The following AKAP19 variants were observed in gnomAD, a reference collection of about 807,000 sequenced individuals.
AKAP19 encodes the protein A-kinase anchoring protein 19.
At chr2:189,903,084 A>C in the AKAP19 span, among the ~76,000 whole-genome samples, 1 of 151,956 alleles carries the variant, frequency 6.6e-6, no homozygotes, top group Non-Finnish European at 1.5e-5. Flanking sequence ...TTGAATTGAA[A>C]GCCATCGAGA....
At chr2:190,103,141 C>T in the AKAP19 span, among the ~76,000 whole-genome samples, 1 of 152,098 alleles carries the variant, frequency 6.6e-6, no homozygotes, top group Admixed American at 6.5e-5. Context: ...AACCTAACAT[C>T]CTTTACTGAA....
chr2:189,886,308 T>C, the AKAP19 span, among the ~76,000 whole-genome samples: 1 of 152,210 alleles, frequency 6.6e-6, no homozygotes, highest in African/African-American at 2.4e-5. Context: ...AACATTAGCT[T>C]TTCTTTTAAC....
the AKAP19 span, among the ~76,000 whole-genome samples, chr2:189,966,299 G>A: frequency 6.6e-6 from 1 of 152,094 alleles, no homozygotes; most frequent in African/African-American, 2.4e-5. Context: ...ACCTACCCAT[G>A]TAAACAAATA....
chr2:190,134,307 A>G, the AKAP19 span, among the ~76,000 whole-genome samples: 1 of 152,164 alleles, frequency 6.6e-6, no homozygotes, highest in Admixed American at 6.5e-5. Context: ...GGGACCAGGG[A>G]TGCAATAGTT....
the AKAP19 span, among the ~76,000 whole-genome samples, chr2:190,099,528 A>G: frequency 6.6e-6 from 1 of 152,208 alleles, no homozygotes; most frequent in African/African-American, 2.4e-5. Context: ...ATAGATCACC[A>G]TAACAGATAT....
the AKAP19 span, among the ~76,000 whole-genome samples, chr2:190,016,442 A>G: frequency 6.6e-6 from 1 of 152,112 alleles, no homozygotes; most frequent in Non-Finnish European, 1.5e-5. Flanking sequence ...GGGGACACCA[A>G]CCCCATGATC....
chr2:189,924,726 G>C, the AKAP19 span, among the ~76,000 whole-genome samples: 198 of 152,184 alleles, frequency 1.3e-3, 1 homozygote, highest in African/African-American at 4.6e-3. Context: ...TTGTGAATGA[G>C]AGTTGGCATG....
At chr2:190,080,695 A>G in the AKAP19 span, among the ~76,000 whole-genome samples, 1 of 152,240 alleles carries the variant, frequency 6.6e-6, no homozygotes, top group Non-Finnish European at 1.5e-5. Flanking sequence ...CTTTGGCCTT[A>G]TGTGCCAGGC....
chr2:189,937,356 T>A, the AKAP19 span, among the ~76,000 whole-genome samples: 2 of 152,080 alleles, frequency 1.3e-5, no homozygotes, highest in Non-Finnish European at 2.9e-5. Flanking sequence ...AGCTGACATG[T>A]TGTGAGGACA....
the AKAP19 span, among the ~76,000 whole-genome samples, chr2:190,190,304 A>G: frequency 2.0e-5 from 3 of 152,230 alleles, no homozygotes; most frequent in Non-Finnish European, 2.9e-5. Context: ...CTTGAAATTC[A>G]TATAAATATG....
the AKAP19 span, among the ~76,000 whole-genome samples, chr2:189,970,009 A>G: frequency 6.6e-6 from 1 of 151,282 alleles, no homozygotes; most frequent in Non-Finnish European, 1.5e-5. Flanking sequence ...AGTAGCTAGG[A>G]CTACAGGTGT....
chr2:190,049,389 G>A, the AKAP19 span, among the ~76,000 whole-genome samples: 2 of 152,146 alleles, frequency 1.3e-5, no homozygotes, highest in Non-Finnish European at 2.9e-5. Flanking sequence ...AATGATGAGG[G>A]TATGGGAAAA....
At chr2:190,145,201 C>G in the AKAP19 span, among the ~76,000 whole-genome samples, 1 of 152,134 alleles carries the variant, frequency 6.6e-6, no homozygotes, top group African/African-American at 2.4e-5. Flanking sequence ...ATGGAAGAAT[C>G]ACTTGAGCCC....
the AKAP19 span, among the ~76,000 whole-genome samples, chr2:190,138,155 G>GA: frequency 6.6e-6 from 1 of 152,174 alleles, no homozygotes; most frequent in South Asian, 2.1e-4. Context: ...CTCATCTTCT[G>GA]AAAAATTCAT....
At chr2:190,070,836 T>C in the AKAP19 span, among the ~76,000 whole-genome samples, 1 of 152,210 alleles carries the variant, frequency 6.6e-6, no homozygotes. Context: ...TGGGAAGAAC[T>C]GGTAAAATTC....
the AKAP19 span, among the ~76,000 whole-genome samples, chr2:189,927,931 T>C: frequency 1.3e-5 from 2 of 152,228 alleles, no homozygotes; most frequent in African/African-American, 4.8e-5. Flanking sequence ...GTTGTATTTG[T>C]AATGCTCTAG....
the AKAP19 span, chr2:190,089,682 A>C: frequency 6.6e-6 from 1 of 152,184 alleles, no homozygotes; most frequent in African/African-American, 2.4e-5. Flanking sequence ...CTGTACATAC[A>C]CCATAAAGAA....
At chr2:189,965,183 C>A in the AKAP19 span, among the ~76,000 whole-genome samples, 1 of 152,018 alleles carries the variant, frequency 6.6e-6, no homozygotes, top group Non-Finnish European at 1.5e-5. Flanking sequence ...CAGGGAATGG[C>A]CAGTTGGTGG....
chr2:190,149,480 G>A, the AKAP19 span, among the ~76,000 whole-genome samples: 1 of 152,036 alleles, frequency 6.6e-6, no homozygotes, highest in African/African-American at 2.4e-5. Context: ...TTTCCTCTTA[G>A]CACCACCTTT....
Sources: gnomAD v4.1 joint callset for allele counts (sites outside exome capture counted in the v4.1 genomes callset) on GRCh38, gnomAD v4.1.1 for gene constraint, MANE v1.5 for transcripts, NCBI Gene and HGNC (gene_info 2026-07-23, HGNC 2026-07-21) for gene names.